Variants in IRAG2 observed in about 807,000 individuals in gnomAD.
IRAG2 encodes inositol 1,4,5-triphosphate receptor associated 2.
Under a neutral mutation model 69.9 loss-of-function variants are expected in IRAG2, and 45 were observed. The ratio of observed to expected loss-of-function variants is 0.64; its 90% CI spans 0.51 to 0.83. The LOEUF is 0.83. Ranked by LOEUF, IRAG2 falls within the 40% of genes least tolerant of loss-of-function variation. IRAG2 has a pLI of 0.00. For synonymous variants in IRAG2, 193 were observed against 202.4 expected, an observed-to-expected ratio of 0.95 and a Z score of 0.40; for missense variants, 520 against 587.0, an observed-to-expected ratio of 0.89 and a Z score of 1.18.
chr12:25,006,757 ATAT>A (rs1346374939), intron 2 of IRAG2, among the ~76,000 whole-genome samples: 2 of 152,172 alleles, frequency 1.3e-5, no homozygotes, highest in Non-Finnish European at 2.9e-5. Context: ...TACCAGTCAC[ATAT>A]TATGCTCAGT....
chr12:25,054,945 C>T (rs1220155689), intron 1 of IRAG2, among the ~76,000 whole-genome samples: 6 of 152,222 alleles, frequency 3.9e-5, no homozygotes, highest in East Asian at 1.9e-4. Context: ...ACGCACATCC[C>T]GCCATGACCA....
intron 16 of IRAG2, among the ~76,000 whole-genome samples, chr12:25,046,801 C>T (rs1944798427): frequency 6.6e-6 from 1 of 152,078 alleles, no homozygotes; most frequent in African/African-American, 2.4e-5. Flanking sequence ...ATTCCAATCG[C>T]ATTTTTTTAC....
chr12:25,013,876 T>TC lies in IRAG2; in HGVS notation c.897-1306_897-1305insC, dbSNP rs1216114453. ...TTTTGTTTTCTTTTTCTTTTTTTTT[T>TC]TTTTTTTTTTTTTTTTGAGACAGAG... On this transcript the variant is annotated intron_variant, in intron 3 of 38. Transcript: ENST00000636465. 1.2e-3 allele frequency among the ~76,000 whole-genome samples: 146 copies of TC among 125,472 alleles called. 3 individuals carry two copies. In the South Asian group the frequency reaches 0.013, roughly 11 times the overall value. The allele number at this position is 125,472 out of a possible 152,430, so 82.3% of individuals were successfully genotyped here.
chr12:25,031,707 G>A (rs531911464), intron 10 of IRAG2, among the ~76,000 whole-genome samples: 147 of 152,118 alleles, frequency 9.7e-4, no homozygotes, highest in African/African-American at 3.4e-3. Context: ...TTGTTGCCCA[G>A]GCGGGAGTGC....
intron 17 of IRAG2, chr12:25,103,054 T>G (rs1948842637): frequency 6.6e-6 from 1 of 152,246 alleles, no homozygotes; most frequent in African/African-American, 2.4e-5. Flanking sequence ...CAGTTTCATA[T>G]TCTTGATGCT....
exon 7 of IRAG2, chr12:25,020,892 C>T (rs1351920297): frequency 8.1e-7 from 1 of 1,229,428 alleles, no homozygotes; most frequent in Admixed American, 4.2e-5. Flanking sequence ...TGATTGTAGC[C>T]CAGAGCAAAC....
exon 3 of IRAG2, chr12:25,011,432 A>G (rs904090): frequency 0.41 from 505,683 of 1,231,306 alleles, 104,704 homozygotes; most frequent in Admixed American, 0.57. Context: ...AAAATTCTGA[A>G]GACAGTGGCC....
chr12:25,062,275 T>A (rs778713162), intron 2 of IRAG2, among the ~76,000 whole-genome samples: 9 of 151,970 alleles, frequency 5.9e-5, no homozygotes, highest in Non-Finnish European at 8.8e-5. Context: ...TTCTAGGGCA[T>A]CATGCAGACA....
At chr12:25,064,588 G>A (rs1945847165) in intron 4 of IRAG2, among the ~76,000 whole-genome samples, 1 of 152,134 alleles carries the variant, frequency 6.6e-6, no homozygotes, top group South Asian at 2.1e-4. Flanking sequence ...GTTCTGAAAT[G>A]ACAAAAAGAA....
chr12:25,084,982 G>A (rs2140137728), intron 10 of IRAG2, among the ~76,000 whole-genome samples: 1 of 152,346 alleles, frequency 6.6e-6, no homozygotes, highest in African/African-American at 2.4e-5. Flanking sequence ...GCCCCTAGGG[G>A]GAACATGCAG....
At chr12:25,033,496 C>G (rs951776822) in intron 12 of IRAG2, among the ~76,000 whole-genome samples, 4 of 152,214 alleles carry the variant, frequency 2.6e-5, no homozygotes, top group Non-Finnish European at 5.9e-5. Context: ...CTCTGTTTAG[C>G]TCCAACTAAT....
chr12:25,054,282 A>G (rs1355702649), intron 1 of IRAG2, among the ~76,000 whole-genome samples: 1 of 152,150 alleles, frequency 6.6e-6, no homozygotes, highest in Admixed American at 6.5e-5. Context: ...TGTGATTAGA[A>G]CTGTTCATGT....
chr12:25,034,615 GT>G (rs1252993512), intron 13 of IRAG2, among the ~76,000 whole-genome samples: 11 of 152,210 alleles, frequency 7.2e-5, no homozygotes, highest in African/African-American at 2.4e-4. Context: ...GTATTCTCCA[GT>G]TTTGTGCTTG....
chr12:25,080,699 A>G (rs1455837084), intron 9 of IRAG2, among the ~76,000 whole-genome samples: 2 of 152,234 alleles, frequency 1.3e-5, no homozygotes, highest in African/African-American at 2.4e-5. Context: ...AGTTTGAGAT[A>G]GAGGTGCTAA....
intron 6 of IRAG2, among the ~76,000 whole-genome samples, chr12:25,071,323 G>A (rs979499546): frequency 6.6e-6 from 1 of 152,008 alleles, no homozygotes; most frequent in Non-Finnish European, 1.5e-5. Context: ...TCCAGCCTGG[G>A]TAACAGGAAA....
intron 2 of IRAG2, among the ~76,000 whole-genome samples, chr12:25,009,129 C>T (rs34874381): frequency 0.04 from 6,139 of 152,096 alleles, 155 homozygotes; most frequent in East Asian, 0.089. Context: ...CTAGCAAGAC[C>T]CTGTCTCTAC....
At chr12:25,070,170 G>C (rs1342620038) in intron 6 of IRAG2, among the ~76,000 whole-genome samples, 1 of 152,148 alleles carries the variant, frequency 6.6e-6, no homozygotes, top group Non-Finnish European at 1.5e-5. Flanking sequence ...ATGACTTTCA[G>C]TATATTCACA....
chr12:25,023,678 C>G (rs1944600919), intron 7 of IRAG2, among the ~76,000 whole-genome samples: 2 of 152,160 alleles, frequency 1.3e-5, no homozygotes, highest in Admixed American at 6.6e-5. Flanking sequence ...AGGAGAATGA[C>G]TTCACTTAGA....
chr12:25,062,164 C>A (rs1234967146), intron 2 of IRAG2, among the ~76,000 whole-genome samples: 1 of 151,702 alleles, frequency 6.6e-6, no homozygotes, highest in African/African-American at 2.4e-5. Flanking sequence ...CCTTTTTGTT[C>A]AGAAATGAAG....
Sources: allele counts gnomAD v4.1 joint callset (sites outside exome capture counted in the v4.1 genomes callset), GRCh38; gene constraint gnomAD v4.1.1; transcripts MANE v1.5; gene names NCBI Gene and HGNC (gene_info 2026-07-23, HGNC 2026-07-21).